Variants in PTPRA observed in about 807,000 individuals in gnomAD.
PTPRA encodes receptor-type tyrosine-protein phosphatase alpha.
Under a neutral mutation model 104.8 loss-of-function variants are expected in PTPRA, and 25 were observed. The ratio of observed to expected loss-of-function variants is 0.24; its 90% CI spans 0.17 to 0.33. The LOEUF (loss-of-function observed/expected upper bound fraction) is 0.33. Among genes scored for constraint, PTPRA ranks in the 10% least tolerant of loss-of-function variants. PTPRA has a pLI of 1.00. For synonymous variants in PTPRA, 323 were observed against 368.9 expected (o/e 0.88, Z 1.43); for missense variants, 765 against 1,015.3 (o/e 0.75, Z 3.35).
chr20:3,022,609 C>T lies in PTPRA; in HGVS notation c.1329-80C>T. 1 of 1,584,822 alleles carries T rather than the reference C, an allele frequency of 6.3e-7. No individual in the cohort carries two copies. The highest frequency in any genetic ancestry group is 8.6e-7 in the Non-Finnish European group (1 of 1,160,538). On this transcript the variant is annotated intron_variant, in intron 15 of 23. Transcript: ENST00000399903. This position sits in a 1 kb window ranked among gnomAD's most constrained non-coding sequence, Gnocchi z 4.6. Reference sequence around the variant, plus strand: ...AGGATTTAGACCCTGAAGGAAGAGCCCCTGCCTGTGTTGCCCCTCCCTATC... The same window carrying T: ...AGGATTTAGACCCTGAAGGAAGAGCTCCTGCCTGTGTTGCCCCTCCCTATC...
intron 1 of PTPRA, among the ~76,000 whole-genome samples, chr20:2,891,698 G>T (rs1402838275): frequency 6.6e-6 from 1 of 152,102 alleles, no homozygotes; most frequent in African/African-American, 2.4e-5. Context: ...AGTCCAAAAG[G>T]TATAGTAATG....
At chr20:3,002,546 C>T (rs1175271233) in intron 9 of PTPRA, among the ~76,000 whole-genome samples, 4 of 152,020 alleles carry the variant, frequency 2.6e-5, no homozygotes, top group South Asian at 2.1e-4. Flanking sequence ...CAGCTGGTCT[C>T]GAACACCAGA....
intron 9 of PTPRA, among the ~76,000 whole-genome samples, chr20:2,990,205 A>G (rs1467242565): frequency 6.6e-6 from 1 of 152,190 alleles, no homozygotes; most frequent in Non-Finnish European, 1.5e-5. Context: ...GAGTTGGTAA[A>G]TACATCAGCT....
chr20:2,880,697 T>C (rs1478650519), intron 1 of PTPRA, among the ~76,000 whole-genome samples: 1 of 152,194 alleles, frequency 6.6e-6, no homozygotes, highest in African/African-American at 2.4e-5. Flanking sequence ...CTGTCATTAA[T>C]AGGAATCTTG....
At chr20:2,945,824 G>C (rs1331249202) in intron 2 of PTPRA, among the ~76,000 whole-genome samples, 1 of 151,824 alleles carries the variant, frequency 6.6e-6, no homozygotes, top group Admixed American at 6.6e-5. Flanking sequence ...AGCTACTCGA[G>C]AGGCTGCGGC....
chr20:2,868,352 G>A, the PTPRA span, among the ~76,000 whole-genome samples: 9 of 134,884 alleles, frequency 6.7e-5, no homozygotes, highest in East Asian at 1.3e-3. Context: ...ATGGGGTCTC[G>A]GGGGTCTCCT....
intron 2 of PTPRA, among the ~76,000 whole-genome samples, chr20:2,935,963 A>C (rs1353639749): frequency 1.3e-5 from 2 of 151,958 alleles, no homozygotes; most frequent in African/African-American, 4.8e-5. Context: ...AGGTTGCAGT[A>C]AGCCAAGATC....
At chr20:2,914,762 A>AT (rs2059840621) in intron 1 of PTPRA, among the ~76,000 whole-genome samples, 1 of 151,978 alleles carries the variant, frequency 6.6e-6, no homozygotes, top group African/African-American at 2.4e-5. Context: ...TTAGTCACAG[A>AT]TTTTTTTTAT....
the PTPRA span, chr20:2,864,631 C>T: frequency 1.2e-6 from 2 of 1,613,956 alleles, no homozygotes; most frequent in African/African-American, 1.3e-5. The surrounding 1 kb of genome is among the most constrained non-coding windows in gnomAD (Gnocchi z 5.2). Context: ...CTTCCACATC[C>T]GAGCCAGCTA....
intron 9 of PTPRA, among the ~76,000 whole-genome samples, chr20:2,999,082 G>A (rs898174948): frequency 1.3e-4 from 20 of 151,836 alleles, no homozygotes; most frequent in African/African-American, 4.4e-4. Context: ...TCTATACATA[G>A]GCCACAAACA....
the PTPRA span, among the ~76,000 whole-genome samples, chr20:2,867,697 A>C: frequency 2.6e-5 from 4 of 152,038 alleles, no homozygotes; most frequent in Non-Finnish European, 4.4e-5. Context: ...TGTCGCCCCC[A>C]CTTTGTCTAC....
intron 3 of PTPRA, chr20:2,955,536 G>A (rs567340412): frequency 2.2e-5 from 17 of 775,224 alleles, no homozygotes; most frequent in Non-Finnish European, 2.7e-5. Context: ...CTCTTCTCTT[G>A]TTTTGGACTT....
At chr20:2,989,294 G>A (rs549512711) in intron 9 of PTPRA, among the ~76,000 whole-genome samples, 17 of 151,966 alleles carry the variant, frequency 1.1e-4, no homozygotes, top group East Asian at 1.9e-4. Context: ...TTAGCTGGGC[G>A]TGGTGGCATG....
At position 2,873,548 on chromosome 20, in the gene PTPRA, A is replaced by AC. The variant is rs2089490327; in HGVS notation, c.-337dup. On this transcript the variant is annotated 5_prime_UTR_variant, in exon 1 of 24. Coordinates refer to ENST00000399903, the MANE Select transcript of PTPRA (RefSeq NM_001385305.1). This position sits in a 1 kb window ranked among gnomAD's most constrained non-coding sequence, Gnocchi z 4.4. Reference sequence around the variant, plus strand: ...CGCGCGCGCGCGCGATCGCGCTCGGACCCCGGCCGCTGCCGCCATCACTGT... The same window carrying AC: ...CGCGCGCGCGCGCGATCGCGCTCGGACCCCCGGCCGCTGCCGCCATCACTGT... 6.6e-6 allele frequency: 1 copy of AC among 150,922 alleles called. No homozygotes were observed. The highest frequency in any genetic ancestry group is 2.0e-4 in the East Asian group (1 of 5,098). 9.3% of individuals were successfully genotyped at this position (150,922 alleles called of 1,614,324 possible). A position where few individuals can be genotyped will look rare whatever the true frequency, so the allele number is the denominator to read the frequency against.
chr20:3,035,760 C>T lies in PTPRA; in HGVS notation c.2047-30C>T. 1.2e-6 allele frequency: 2 copies of T among 1,614,186 alleles called. No individual in the cohort carries two copies. The highest frequency in any genetic ancestry group is 2.2e-5 in the South Asian group (2 of 91,084). On this transcript the variant is annotated intron_variant, in intron 21 of 23. Transcript: ENST00000399903. This position sits in a 1 kb window ranked among gnomAD's most constrained non-coding sequence, Gnocchi z 5.8. Reference sequence around the variant, plus strand: ...TGCCCACAGGAAAAGCAGGGTTACCCCTGCCTCCCTGATCCCCTTTTTTCC... The same window carrying T: ...TGCCCACAGGAAAAGCAGGGTTACCTCTGCCTCCCTGATCCCCTTTTTTCC...
At chr20:2,941,294 G>A (rs2060911798) in intron 2 of PTPRA, among the ~76,000 whole-genome samples, 1 of 152,156 alleles carries the variant, frequency 6.6e-6, no homozygotes, top group South Asian at 2.1e-4. Context: ...GCCTCCCAAA[G>A]TGCTGGGATT....
chr20:2,991,597 A>AGGGTT, intron 9 of PTPRA, among the ~76,000 whole-genome samples: 1 of 152,304 alleles, frequency 6.6e-6, no homozygotes, highest in South Asian at 2.1e-4. Flanking sequence ...GTTTGGAGGT[A>AGGGTT]ATATTCCCTG....
intron 3 of PTPRA, among the ~76,000 whole-genome samples, chr20:2,960,781 C>G (rs772705433): frequency 7.2e-5 from 11 of 151,864 alleles, no homozygotes; most frequent in Non-Finnish European, 2.9e-5. Context: ...AAGCAATTTG[C>G]CTGCCTTGGC....
chr20:3,035,752 G>C lies in PTPRA; in HGVS notation c.2047-38G>C, dbSNP rs1177680881. 1 of 1,614,192 alleles carries C rather than the reference G, an allele frequency of 6.2e-7. No individual in the cohort carries two copies. Among genetic ancestry groups the C allele is most frequent in the East Asian group, 2.2e-5 (1 of 44,882 alleles). On this transcript the variant is annotated intron_variant, in intron 21 of 23. Coordinates refer to ENST00000399903, the MANE Select transcript of PTPRA (RefSeq NM_001385305.1). The surrounding 1 kb of genome is among the most constrained non-coding windows in gnomAD (Gnocchi z 5.8). The stretch of plus-strand genomic sequence containing the variant: ...GTGGACTCTGCCCACAGGAAAAGCA[G>C]GGTTACCCCTGCCTCCCTGATCCCC...
Sources: allele counts gnomAD v4.1 joint callset (sites outside exome capture counted in the v4.1 genomes callset), GRCh38; gene constraint gnomAD v4.1.1; non-coding constraint Gnocchi (gnomAD v3.1); transcripts MANE v1.5; gene names NCBI Gene and HGNC (gene_info 2026-07-23, HGNC 2026-07-21).